SVEP1: variants seen among roughly 807,000 people sequenced by gnomAD.
SVEP1 encodes sushi, von Willebrand factor type A, EGF and pentraxin domain-containing protein 1.
In SVEP1, 164 loss-of-function variants were observed where a neutral mutation model predicts 367.3. The observed-to-expected ratio is 0.45, with a 90% CI of 0.39 to 0.51. The LOEUF (loss-of-function observed/expected upper bound fraction) is 0.51. Among genes scored for constraint, SVEP1 ranks in the 20% least tolerant of loss-of-function variants. The pLI is 0.00. For missense variants in SVEP1, 4,117 were observed against 4,425.3 expected (o/e 0.93, Z 1.98); for synonymous variants, 1,666 against 1,611.6 (o/e 1.03, Z -0.81).
At chr9:110,371,214 A>G (rs1424384386) in intron 46 of SVEP1, among the ~76,000 whole-genome samples, 5 of 152,206 alleles carry the variant, frequency 3.3e-5, no homozygotes, top group African/African-American at 9.6e-5. Flanking sequence ...ATAAAACTCA[A>G]TAATTGAAAA....
At position 110,467,069 on chromosome 9, in the gene SVEP1, CTA is replaced by C. The variant is rs376976111; in HGVS notation, c.3161-1045_3161-1044del. Among the ~76,000 whole-genome samples the C allele has an allele frequency of 1.3e-4, 20 of 152,186 alleles. No homozygotes were observed. The East Asian group carries it at 3.3e-3, about 25-fold the overall frequency. ...GCATTTCCAATTACGTAGCACTGCT[CTA>C]GAGTTTATATCAGTCATTAAACACC... On this transcript the variant is annotated intron_variant, in intron 17 of 47. Coordinates refer to ENST00000374469, the MANE Select transcript of SVEP1 (RefSeq NM_153366.4).
In SVEP1 at chr9:110,513,984, T is replaced by G; in HGVS notation, c.1087A>C (p.Arg363=). 1 of 1,613,356 alleles carries G rather than the reference T, an allele frequency of 6.2e-7. No homozygotes were observed. Among genetic ancestry groups the G allele is most frequent in the Non-Finnish European group, 8.5e-7 (1 of 1,179,636 alleles). ...TGGCCAGATGCCCTGTATCCCTCTC[T>G]GCAGACACAGTCTTCAGGGGATGTG... ...GSTSPEDCVC[R]EGYRASGQTC... Residue 363 remains arginine, a synonymous_variant, in exon 4 of 48, where the codon AGA becomes CGA. Coordinates refer to ENST00000374469, the MANE Select transcript of SVEP1 (RefSeq NM_153366.4).
intron 9 of SVEP1, among the ~76,000 whole-genome samples, 173 bp downstream of exon 9, chr9:110,489,477 A>G (rs921283232): frequency 5.9e-5 from 9 of 152,186 alleles, no homozygotes; most frequent in Non-Finnish European, 5.9e-5. Flanking sequence ...TCCCCCTTAT[A>G]AAACCATCAG....
At chr9:110,377,801 A>C (rs1468043769) in intron 44 of SVEP1, among the ~76,000 whole-genome samples, 1 of 152,188 alleles carries the variant, frequency 6.6e-6, no homozygotes, top group Non-Finnish European at 1.5e-5. Context: ...ACATTGCTGG[A>C]CATTAGAACT....
chr9:110,479,147 T>C (rs1349771424), intron 13 of SVEP1, among the ~76,000 whole-genome samples: 2 of 152,082 alleles, frequency 1.3e-5, no homozygotes, highest in African/African-American at 4.8e-5. Context: ...CTCGAACTCC[T>C]GATCTCATGA....
chr9:110,498,382 G>A (rs1438529814), intron 7 of SVEP1, among the ~76,000 whole-genome samples: 2 of 152,022 alleles, frequency 1.3e-5, no homozygotes, highest in Non-Finnish European at 2.9e-5. Context: ...TGGACATTGG[G>A]GTTTTTCCTT....
In SVEP1 at chr9:110,492,201, C is replaced by T. The variant is rs776756675; in HGVS notation, c.1801-2422G>A. Among the ~76,000 whole-genome samples, 168 of 152,200 alleles carry T rather than the reference C, an allele frequency of 1.1e-3. 1 individual carries two copies. Among genetic ancestry groups the T allele is most frequent in the Non-Finnish European group, 1.1e-3 (78 of 67,988 alleles). On this transcript the variant is annotated intron_variant, in intron 8 of 47. Transcript: ENST00000374469. ...CAAATCCCTCATAAGAGAGAAAAGT[C>T]ATGGTGTGAAGAACTGTCAGCAAAC... is the stretch of plus-strand genomic sequence containing the variant.
chr9:110,430,081 A>G, intron 33 of SVEP1, 77 bp from the exon 34 acceptor site: 1 of 1,463,216 alleles, frequency 6.8e-7, no homozygotes, highest in East Asian at 2.3e-5. Flanking sequence ...GGGGCAGCTC[A>G]AGATCTTTTT....
At chr9:110,441,799 A>T (rs1424322081) in intron 27 of SVEP1, among the ~76,000 whole-genome samples, 13 of 152,148 alleles carry the variant, frequency 8.5e-5, no homozygotes. Flanking sequence ...AGGAATTTTC[A>T]CATACACCCT....
intron 3 of SVEP1, among the ~76,000 whole-genome samples, chr9:110,523,270 C>T (rs997067226): frequency 6.6e-6 from 1 of 152,168 alleles, no homozygotes; most frequent in African/African-American, 2.4e-5. Flanking sequence ...TGTCCAAATC[C>T]TATCATTCAA....
Position 110,446,947 on chromosome 9 carries a change from T to C in SVEP1, c.4214A>G (p.Tyr1405Cys). Residue 1405 changes from tyrosine to cysteine, a missense_variant, in exon 25 of 48, where the codon TAC becomes TGC. Transcript: ENST00000374469. The stretch of plus-strand genomic sequence containing the variant: ...AAATCCTGGCTGACATTTACAACTG[T>C]ATGAATTTAATTCATCCACACAGGT... ...QATCVDELNSYSCKCQPGFSG... is the reference protein window; with the variant it reads ...QATCVDELNSCSCKCQPGFSG... 1 of 1,545,342 alleles carries C rather than the reference T, an allele frequency of 6.5e-7. No homozygotes were observed. Among genetic ancestry groups the C allele is most frequent in the South Asian group, 1.2e-5 (1 of 81,946 alleles).
rs752501839 is a variant in SVEP1 at position 110,458,570 on chromosome 9, A to G, written c.3485-8T>C. The G allele has an allele frequency of 6.2e-6, 10 of 1,604,066 alleles. No homozygotes were observed. The highest frequency in any genetic ancestry group is 4.5e-5 in the East Asian group (2 of 44,704). On this transcript the variant is annotated splice_region_variant and splice_polypyrimidine_tract_variant and intron_variant, in intron 19 of 47. Transcript: ENST00000374469. ...AGAAAGTTGAACTAAAACCTAATCA[A>G]TTAATAGAAAAACATGTCAGTGTGG...
chr9:110,430,251 C>A (rs758229446), intron 33 of SVEP1, 23 bp downstream of exon 33: 1 of 1,596,546 alleles, frequency 6.3e-7, no homozygotes, highest in South Asian at 1.1e-5. Flanking sequence ...ACATAAGAAA[C>A]GTGGTAAATT....
intron 29 of SVEP1, 90 bp from the exon 30 acceptor site, chr9:110,434,596 C>T (rs1828403613): frequency 2.6e-6 from 3 of 1,149,180 alleles, no homozygotes; most frequent in East Asian, 8.1e-5. Context: ...TCTGTATCAG[C>T]ATTTGAGAGC....
At chr9:110,495,971 T>C (rs548889711) in intron 8 of SVEP1, among the ~76,000 whole-genome samples, 1 of 152,322 alleles carries the variant, frequency 6.6e-6, no homozygotes, top group African/African-American at 2.4e-5. Flanking sequence ...TTTTCTTTTC[T>C]TAAAAGATCC....
At chr9:110,412,308 A>T (rs1828055918) in intron 36 of SVEP1, among the ~76,000 whole-genome samples, 1 of 152,216 alleles carries the variant, frequency 6.6e-6, no homozygotes, top group Non-Finnish European at 1.5e-5. Context: ...TGACACCTAG[A>T]GAACTTTAAA....
chr9:110,462,799 G>A (rs1055818738), intron 18 of SVEP1, among the ~76,000 whole-genome samples: 1 of 151,762 alleles, frequency 6.6e-6, no homozygotes, highest in Non-Finnish European at 1.5e-5. Flanking sequence ...GCATGGAAAT[G>A]ACCAGGAAAA....
chr9:110,465,804 C>G lies in SVEP1; in HGVS notation c.3322+61G>C, dbSNP rs1003214500. 3.9e-6 allele frequency: 6 copies of G among 1,539,836 alleles called. No individual in the cohort carries two copies. In the South Asian group the frequency reaches 7.2e-5, roughly 19 times the overall value. On this transcript the variant is annotated intron_variant, in intron 18 of 47. Transcript: ENST00000374469. ...GTATGTTTTTGCAGAAAATATGCCA[C>G]TCCTTCATGCATAGAACCTAGTAGG...
intron 40 of SVEP1, among the ~76,000 whole-genome samples, chr9:110,395,679 C>T (rs1271691705): frequency 6.7e-6 from 1 of 150,086 alleles, no homozygotes; most frequent in Non-Finnish European, 1.5e-5. Flanking sequence ...AAATGGAAAA[C>T]AAAAAAAGGC....
Sources: gnomAD v4.1 joint callset for allele counts (sites outside exome capture counted in the v4.1 genomes callset) on GRCh38, gnomAD v4.1.1 for gene constraint, MANE v1.5 for transcripts, NCBI Gene and HGNC (gene_info 2026-07-23, HGNC 2026-07-21) for gene names.